Variants in LVRN observed in about 807,000 individuals in gnomAD.
LVRN encodes aminopeptidase Q.
In LVRN, 99 loss-of-function variants were observed where a neutral mutation model predicts 111.4. The observed-to-expected ratio is 0.89, with a 90% confidence interval of 0.76 to 1.05. LVRN has a LOEUF of 1.05. Ranked by LOEUF, LVRN falls within the 50% of genes least tolerant of loss-of-function variation. The pLI, the probability that LVRN is intolerant of heterozygous loss-of-function variation, is 0.00. For missense variants in LVRN, 1,414 were observed against 1,206.8 expected (o/e 1.17, Z -2.54); for synonymous variants, 488 against 449.5 (o/e 1.09, Z -1.08).
intron 1 of LVRN, 69 bp downstream of exon 1, chr5:115,963,381 A>C (rs1033745336): frequency 1.1e-5 from 15 of 1,327,198 alleles, no homozygotes; most frequent in Non-Finnish European, 1.5e-5. Context: ...CTGCGGGTCC[A>C]GCTGACTACC....
In LVRN at chr5:116,015,305, G is replaced by A. The variant is rs1580399591; in HGVS notation, c.2504G>A (p.Ser835Asn). ...VVLCYGIALG[S>N]DKEWDILLNT... ...TTATGTTATGGCATTGCCTTGGGAA[G>A]TGATAAAGAGTGGGACATCTTGTTA... Residue 835 changes from serine to asparagine, a missense_variant, in exon 17 of 20, where the codon AGT becomes AAT. Physicochemically the swap from Ser to Asn is conservative, Grantham distance 46. Transcript: ENST00000357872. The A allele has an allele frequency of 6.2e-7, 1 of 1,611,752 alleles. No homozygotes were observed. Among genetic ancestry groups the A allele is most frequent in the Non-Finnish European group, 8.5e-7 (1 of 1,179,008 alleles).
At chr5:115,974,463 T>C (rs1391236207) in intron 1 of LVRN, 1 of 152,336 alleles carries the variant, frequency 6.6e-6, no homozygotes, top group East Asian at 1.9e-4. Flanking sequence ...ATATATGTTA[T>C]TAAAGTTTTA....
At chr5:115,982,142 T>G (rs1371792491) in intron 1 of LVRN, among the ~76,000 whole-genome samples, 5 of 152,172 alleles carry the variant, frequency 3.3e-5, no homozygotes, top group Non-Finnish European at 7.4e-5. Context: ...CAGGCCTTAC[T>G]ATAAATTATT....
At chr5:116,016,798 G>A (rs149058706) in intron 18 of LVRN, among the ~76,000 whole-genome samples, 1 of 152,196 alleles carries the variant, frequency 6.6e-6, no homozygotes, top group African/African-American at 2.4e-5. Context: ...TAGACCAGTT[G>A]TTCCAGAAGA....
At chr5:115,963,414 C>T (rs531506859) in intron 1 of LVRN, 102 bp downstream of exon 1, 35 of 859,348 alleles carry the variant, frequency 4.1e-5, no homozygotes, top group South Asian at 3.4e-4. Flanking sequence ...GCGTCTGCTG[C>T]CCTTTCCAAA....
intron 4 of LVRN, among the ~76,000 whole-genome samples, chr5:115,990,988 T>C (rs1448799487): frequency 6.6e-6 from 1 of 152,196 alleles, no homozygotes; most frequent in Non-Finnish European, 1.5e-5. Context: ...CCCTCCTTTC[T>C]CCTGTTGTCA....
At chr5:116,019,685 C>A (rs1311067580) in intron 18 of LVRN, among the ~76,000 whole-genome samples, 1 of 152,110 alleles carries the variant, frequency 6.6e-6, no homozygotes, top group Admixed American at 6.5e-5. Context: ...GCTGTGGGAG[C>A]CAGAATCATC....
chr5:115,964,094 T>A (rs1251505359), intron 1 of LVRN, among the ~76,000 whole-genome samples: 1 of 152,246 alleles, frequency 6.6e-6, no homozygotes, highest in Non-Finnish European at 1.5e-5. Context: ...AAGAATTGTC[T>A]CTTTCCACGC....
chr5:115,978,325 G>T (rs1208578486), intron 1 of LVRN, among the ~76,000 whole-genome samples: 1 of 152,142 alleles, frequency 6.6e-6, no homozygotes, highest in Non-Finnish European at 1.5e-5. Flanking sequence ...TCTGGGAGAT[G>T]GTTTTGCACA....
intron 1 of LVRN, chr5:115,975,125 A>G (rs1249686452): frequency 1.7e-5 from 7 of 411,380 alleles, no homozygotes; most frequent in African/African-American, 1.5e-4. Context: ...GGGCTCTTTC[A>G]AATAAGATTG....
chr5:115,988,477 C>T (rs1298568909), intron 4 of LVRN, among the ~76,000 whole-genome samples: 2 of 152,092 alleles, frequency 1.3e-5, no homozygotes, highest in African/African-American at 2.4e-5. Flanking sequence ...TTTAACCTTT[C>T]ATAGATCTGT....
At chr5:115,984,861 G>T (rs1489513101) in intron 3 of LVRN, 152 bp downstream of exon 3, 3 of 1,085,802 alleles carry the variant, frequency 2.8e-6, no homozygotes, top group Non-Finnish European at 3.9e-6. Context: ...GTGTGGCTTT[G>T]CAGAATGGGA....
intron 13 of LVRN, chr5:116,010,476 C>T: frequency 2.0e-6 from 1 of 511,362 alleles, no homozygotes; most frequent in Non-Finnish European, 3.8e-6. Flanking sequence ...CTTCTATTTC[C>T]TAATAATCAG....
chr5:115,963,319 G>A lies in LVRN; in HGVS notation c.695+7G>A, dbSNP rs925038071. ...CCGACCAGGGCGAGCGCAGGTAAGGGCTGTACAGCCCGGGGCCCCTCTCGG... is the reference window on the plus strand; with the variant it reads ...CCGACCAGGGCGAGCGCAGGTAAGGACTGTACAGCCCGGGGCCCCTCTCGG... On this transcript the variant is annotated splice_region_variant and intron_variant, in intron 1 of 19. Coordinates refer to ENST00000357872, the MANE Select transcript of LVRN (RefSeq NM_173800.5). 4 of 1,591,202 alleles carry A rather than the reference G, an allele frequency of 2.5e-6. No individual in the cohort carries two copies. The highest frequency in any genetic ancestry group is 2.7e-5 in the African/African-American group (2 of 74,488).
intron 5 of LVRN, 37 bp from the exon 6 acceptor site, chr5:115,993,704 T>G (rs748120208): frequency 1.5e-6 from 2 of 1,359,058 alleles, no homozygotes; most frequent in Non-Finnish European, 2.1e-6. Flanking sequence ...AAAAATTAAA[T>G]TTAAGAAAGC....
intron 1 of LVRN, chr5:115,975,971 C>A: frequency 6.1e-6 from 1 of 163,548 alleles, no homozygotes. Context: ...ACTAATGATT[C>A]CAGATGTCCT....
chr5:116,014,285 T>A (rs1561568848), intron 15 of LVRN, 135 bp from the exon 16 acceptor site: 3 of 668,496 alleles, frequency 4.5e-6, no homozygotes, highest in Non-Finnish European at 7.4e-6. Context: ...AAAAACAATT[T>A]TTTAAAACAA....
intron 1 of LVRN, among the ~76,000 whole-genome samples, chr5:115,982,118 C>T (rs550684448): frequency 6.6e-6 from 1 of 152,102 alleles, no homozygotes; most frequent in Admixed American, 6.5e-5. Flanking sequence ...TGGGCAAGAG[C>T]AAGTAAGCCA....
At chr5:115,974,344 T>G (rs557845891) in intron 1 of LVRN, among the ~76,000 whole-genome samples, 65 of 152,340 alleles carry the variant, frequency 4.3e-4, no homozygotes, top group African/African-American at 1.5e-3. Flanking sequence ...TAGGTAATAG[T>G]AAAAGCGTAA....
Sources: gnomAD v4.1 joint callset for allele counts (sites outside exome capture counted in the v4.1 genomes callset) on GRCh38, gnomAD v4.1.1 for gene constraint, MANE v1.5 for transcripts, NCBI Gene and HGNC (gene_info 2026-07-23, HGNC 2026-07-21) for gene names.